Variants in SAPCD2 observed in about 807,000 individuals in gnomAD.
SAPCD2 encodes suppressor APC domain-containing protein 2.
A neutral mutation model predicts 37.8 loss-of-function variants in SAPCD2; 34 were observed. The observed-to-expected ratio is 0.90, with a 90% CI of 0.68 to 1.20. The LOEUF (loss-of-function observed/expected upper bound fraction) is 1.20. Ranked by LOEUF, SAPCD2 falls within the 50% of genes most tolerant of loss-of-function variation. The pLI, the probability that SAPCD2 is intolerant of heterozygous loss-of-function variation, is 0.00. For synonymous variants in SAPCD2, 275 were observed against 270.3 expected (o/e 1.02, Z -0.17); for missense variants, 572 against 584.7 (o/e 0.98, Z 0.22).
chr9:137,070,349 T>C lies in SAPCD2; in HGVS notation c.112A>G (p.Ile38Val), dbSNP rs1482487151. ...CAGCCGCGCCGCCGGTCGTCCAGGA[T>C]GTCGAACAGGGTGCGCAGGCTCTGC... is the stretch of plus-strand genomic sequence containing the variant. ...FLQSLRTLFD[I>V]LDDRRRGCVH... The change falls in exon 1 of 6, where the codon ATC becomes GTC. Residue 38 changes from isoleucine (I) to valine (V), a missense_variant. Transcript: ENST00000409687. 1 of 1,470,574 alleles carries C rather than the reference T, an allele frequency of 6.8e-7. No individual in the cohort carries two copies. Among genetic ancestry groups the C allele is most frequent in the Non-Finnish European group, 9.0e-7 (1 of 1,112,970 alleles). 91.1% of individuals were successfully genotyped at this position (1,470,574 alleles called of 1,614,324 possible).
intron 3 of SAPCD2, among the ~76,000 whole-genome samples, 167 bp downstream of exon 3, chr9:137,065,355 C>T (rs891445891): frequency 6.6e-6 from 1 of 152,132 alleles, no homozygotes; most frequent in Non-Finnish European, 1.5e-5. Flanking sequence ...ACACCTTAGG[C>T]CCTAGGAGTG....
rs1198484185 is a variant in SAPCD2 at position 137,070,117 on chromosome 9, T to C, written c.344A>G (p.Gln115Arg). ...CAGGCGCTGCGGCGGCGGCGGCGGC[T>C]GATCCCCGGGCCGGGCCGGGGCGCG... is the stretch of plus-strand genomic sequence containing the variant. ...PTRAPARPGD[Q>R]PPPPPQRLVF... Residue 115 changes from glutamine (Q) to arginine (R), a missense_variant, in exon 1 of 6, where the codon CAG becomes CGG. Gln to Arg is a conservative substitution (Grantham distance 43, BLOSUM62 1). Coordinates refer to ENST00000409687, the MANE Select transcript of SAPCD2 (RefSeq NM_178448.4). The C allele has an allele frequency of 7.6e-6, 9 of 1,191,514 alleles. No individual in the cohort carries two copies. The African/African-American group carries it at 1.1e-4, about 15-fold the overall frequency. The allele number at this position is 1,191,514 out of a possible 1,614,324, so 73.8% of individuals were successfully genotyped here.
In SAPCD2 at chr9:137,062,623, A is replaced by G. The variant is rs1359403901; in HGVS notation, c.*2036T>C. ...TACTGGCACCTCGCGGATAGAGCCC[A>G]GGGACGCTGCTCACATCCTGCACGG... On this transcript the variant is annotated 3_prime_UTR_variant, in exon 6 of 6. Transcript: ENST00000409687. The G allele has an allele frequency of 6.6e-6, 1 of 152,272 alleles. No homozygotes were observed. Among genetic ancestry groups the G allele is most frequent in the Non-Finnish European group, 1.5e-5 (1 of 68,050 alleles). 9.4% of individuals were successfully genotyped at this position (152,272 alleles called of 1,614,324 possible).
At position 137,066,250 on chromosome 9, in the gene SAPCD2, G is replaced by A; in HGVS notation, c.684+12C>T. On this transcript the variant is annotated intron_variant, in intron 2 of 5. Coordinates refer to ENST00000409687, the MANE Select transcript of SAPCD2 (RefSeq NM_178448.4). ...AGATGGAGAGCCCCACAGAGCCCCA[G>A]TCCCTGCTCACCAGGCCGCAGTCCA... is the stretch of plus-strand genomic sequence containing the variant. The A allele has an allele frequency of 6.3e-7, 1 of 1,588,210 alleles. No individual in the cohort carries two copies. The highest frequency in any genetic ancestry group is 1.1e-5 in the South Asian group (1 of 87,846).
intron 1 of SAPCD2, among the ~76,000 whole-genome samples, chr9:137,068,303 G>T (rs148167049): frequency 6.6e-6 from 1 of 152,214 alleles, no homozygotes; most frequent in Non-Finnish European, 1.5e-5. Context: ...ACCTGGGCCC[G>T]GTCTGTACAG....
At chr9:137,066,008 A>G (rs1832540721) in intron 2 of SAPCD2, among the ~76,000 whole-genome samples, 1 of 152,178 alleles carries the variant, frequency 6.6e-6, no homozygotes, top group Non-Finnish European at 1.5e-5. Context: ...GGGAAGCCAG[A>G]CTGGCTTGCA....
In SAPCD2 at chr9:137,064,300, CT is replaced by C; in HGVS notation, c.*358del. The C allele has an allele frequency of 5.9e-6, 2 of 340,476 alleles. No homozygotes were observed. Among genetic ancestry groups the C allele is most frequent in the South Asian group, 5.2e-5 (2 of 38,190 alleles). 21.1% of individuals were successfully genotyped at this position (340,476 alleles called of 1,614,324 possible). ...AAGTGCAGCCTGGCGTGGGCAGTGC[CT>C]TTCCCTGAAGATGGGACCCAGGGCG... On this transcript the variant is annotated 3_prime_UTR_variant, in exon 6 of 6. Coordinates refer to ENST00000409687, the MANE Select transcript of SAPCD2 (RefSeq NM_178448.4).
intron 1 of SAPCD2, among the ~76,000 whole-genome samples, chr9:137,067,392 G>A (rs1183746987): frequency 3.3e-5 from 5 of 151,588 alleles, no homozygotes; most frequent in African/African-American, 9.7e-5. Flanking sequence ...GATTGCTTGA[G>A]CCTGGGAGGC....
rs1832470050 is a variant in SAPCD2 at position 137,062,272 on chromosome 9, T to A, written c.*2387A>T. On this transcript the variant is annotated 3_prime_UTR_variant, in exon 6 of 6. Transcript: ENST00000409687. ...TAGTGTATTGTTTCCTTGTGGTGTT[T>A]ATGAATTTTTAAACCTGGATCTCTC... 1 of 152,104 alleles carries A rather than the reference T, an allele frequency of 6.6e-6. No individual in the cohort carries two copies. The highest frequency in any genetic ancestry group is 2.4e-5 in the African/African-American group (1 of 41,436). 9.4% of individuals were successfully genotyped at this position (152,104 alleles called of 1,614,324 possible).
In SAPCD2 at chr9:137,064,445, A is replaced by G. The variant is rs530584823; in HGVS notation, c.*214T>C. On this transcript the variant is annotated 3_prime_UTR_variant, in exon 6 of 6. Coordinates refer to ENST00000409687, the MANE Select transcript of SAPCD2 (RefSeq NM_178448.4). ...GAGAGCCCCAGCCCATGTCAGCACCAGGAGCCAAAACGGAGTCAAGCGCTC... is the reference window on the plus strand; with the variant it reads ...GAGAGCCCCAGCCCATGTCAGCACCGGGAGCCAAAACGGAGTCAAGCGCTC... 3.3e-6 allele frequency: 2 copies of G among 603,504 alleles called. No homozygotes were observed. Among genetic ancestry groups the G allele is most frequent in the South Asian group, 2.0e-5 (1 of 50,728 alleles). 37.4% of individuals were successfully genotyped at this position (603,504 alleles called of 1,614,324 possible).
In SAPCD2 at chr9:137,062,315, T is replaced by TTTC. The variant is rs1832471123; in HGVS notation, c.*2343_*2344insGAA. On this transcript the variant is annotated 3_prime_UTR_variant, in exon 6 of 6. Coordinates refer to ENST00000409687, the MANE Select transcript of SAPCD2 (RefSeq NM_178448.4). ...GATCTCTCATTTTCTTTCTTTCTTT[T>TTTC]TTTTTTTTGTAGAGATGGGGTCTCT... 2 of 149,894 alleles carry TTTC rather than the reference T, an allele frequency of 1.3e-5. No individual in the cohort carries two copies. Among genetic ancestry groups the TTTC allele is most frequent in the African/African-American group, 4.9e-5 (2 of 41,186 alleles). 9.3% of individuals were successfully genotyped at this position (149,894 alleles called of 1,614,324 possible). A position where few individuals can be genotyped will look rare whatever the true frequency, so the allele number is the denominator to read the frequency against.
intron 1 of SAPCD2, among the ~76,000 whole-genome samples, chr9:137,068,006 A>T (rs1247577537): frequency 6.6e-6 from 1 of 152,086 alleles, no homozygotes; most frequent in African/African-American, 2.4e-5. Flanking sequence ...ACAGGTGTGG[A>T]GGAAGGCATC....
chr9:137,065,721 T>A, intron 2 of SAPCD2, 53 bp from the exon 3 acceptor site: 1 of 1,553,244 alleles, frequency 6.4e-7, no homozygotes. Context: ...CACGCACACG[T>A]CCACACATGC....
At chr9:137,066,172 T>TC in intron 2 of SAPCD2, 90 bp downstream of exon 2, 1 of 985,044 alleles carries the variant, frequency 1.0e-6, no homozygotes, top group South Asian at 1.4e-5. Flanking sequence ...CGCCATGGAC[T>TC]CCCCCAGGCT....
chr9:137,065,394 C>T, intron 3 of SAPCD2, 128 bp downstream of exon 3: 1 of 1,238,800 alleles, frequency 8.1e-7, no homozygotes, highest in Non-Finnish European at 1.1e-6. Flanking sequence ...AAAGGGATGT[C>T]TCAGCATCCT....
chr9:137,069,439 CT>C (rs1433053148), intron 1 of SAPCD2, among the ~76,000 whole-genome samples: 1 of 152,236 alleles, frequency 6.6e-6, no homozygotes, highest in Non-Finnish European at 1.5e-5. Flanking sequence ...CCCAGCCCCC[CT>C]GGCTAAGCTG....
intron 1 of SAPCD2, among the ~76,000 whole-genome samples, chr9:137,068,177 G>T (rs1464370319): frequency 2.0e-5 from 3 of 152,252 alleles, no homozygotes; most frequent in Non-Finnish European, 4.4e-5. Context: ...ACTCCAGCCT[G>T]CGGTGCTGAG....
intron 1 of SAPCD2, 92 bp downstream of exon 1, chr9:137,069,798 T>G: frequency 2.4e-5 from 21 of 891,348 alleles, no homozygotes; most frequent in Non-Finnish European, 2.9e-5. Context: ...CCGTCCCTTG[T>G]GGGAAATGCA....
chr9:137,069,233 C>T (rs1376362031), intron 1 of SAPCD2, among the ~76,000 whole-genome samples: 3 of 152,226 alleles, frequency 2.0e-5, no homozygotes, highest in Non-Finnish European at 4.4e-5. Context: ...CCAACTGGAC[C>T]GGAAGGCAGG....
Sources: allele counts gnomAD v4.1 joint callset (sites outside exome capture counted in the v4.1 genomes callset), GRCh38; gene constraint gnomAD v4.1.1; transcripts MANE v1.5; gene names NCBI Gene and HGNC (gene_info 2026-07-23, HGNC 2026-07-21).